PCDH9: variants seen among roughly 807,000 people sequenced by gnomAD.
PCDH9 encodes protocadherin-9.
A neutral mutation model predicts 70.6 loss-of-function variants in PCDH9; 24 were observed. The ratio of observed to expected loss-of-function variants is 0.34; its 90% CI spans 0.25 to 0.48. The LOEUF (loss-of-function observed/expected upper bound fraction) is 0.48, where lower values mean the gene tolerates loss of function less well. Ranked by LOEUF, PCDH9 falls within the 20% of genes least tolerant of loss-of-function variation. The pLI, the probability that PCDH9 is intolerant of heterozygous loss-of-function variation, is 0.99. For missense variants in PCDH9, 1,281 were observed against 1,503.6 expected (o/e 0.85, Z 2.45); for synonymous variants, 562 against 558.5 (o/e 1.01, Z -0.09).
At chr13:67,046,149 T>C (rs1300949561) in intron 2 of PCDH9, among the ~76,000 whole-genome samples, 1 of 152,176 alleles carries the variant, frequency 6.6e-6, no homozygotes, top group Non-Finnish European at 1.5e-5. Context: ...CTTGAGAATA[T>C]AATTATTATA....
In PCDH9 at chr13:66,787,745, A is replaced by G. The variant is rs184271879; in HGVS notation, c.3138+115759T>C. On this transcript the variant is annotated intron_variant, in intron 3 of 4. Transcript: ENST00000377865. ...ACTTAGCTGACCTTCTGAATCACCA[A>G]AAGAGAATTTTTCTTCCCCTTCATC... Among the ~76,000 whole-genome samples, 296 of 152,258 alleles carry G rather than the reference A, an allele frequency of 1.9e-3. 1 individual carries two copies. The highest frequency in any genetic ancestry group is 7.0e-3 in the African/African-American group (293 of 41,562).
intron 2 of PCDH9, among the ~76,000 whole-genome samples, chr13:67,122,784 T>C (rs1340230561): frequency 6.8e-6 from 1 of 147,654 alleles, no homozygotes; most frequent in Non-Finnish European, 1.5e-5. Context: ...ATAATAATAA[T>C]AATAATAATA....
chr13:66,342,552 T>C (rs760566354), intron 4 of PCDH9, among the ~76,000 whole-genome samples: 2 of 152,112 alleles, frequency 1.3e-5, no homozygotes, highest in Non-Finnish European at 2.9e-5. Context: ...TTGACTGAGG[T>C]TAAACAGATC....
chr13:66,544,433 C>A (rs1961094147), intron 4 of PCDH9, among the ~76,000 whole-genome samples: 1 of 152,098 alleles, frequency 6.6e-6, no homozygotes, highest in Admixed American at 6.6e-5. Context: ...TGATGCAGGC[C>A]AGGCAGGTGA....
At chr13:66,687,767 T>C (rs978098654) in intron 3 of PCDH9, among the ~76,000 whole-genome samples, 1 of 152,114 alleles carries the variant, frequency 6.6e-6, no homozygotes, top group African/African-American at 2.4e-5. Context: ...TTTCCAAAAA[T>C]AATCAGTAAA....
intron 3 of PCDH9, among the ~76,000 whole-genome samples, chr13:66,797,746 A>T (rs2080266223): frequency 6.6e-6 from 1 of 151,998 alleles, no homozygotes; most frequent in Non-Finnish European, 1.5e-5. Flanking sequence ...AAATAAAAAC[A>T]CATATTGCTT....
intron 4 of PCDH9, among the ~76,000 whole-genome samples, chr13:66,329,997 C>T (rs534865272): frequency 1.4e-4 from 21 of 152,272 alleles, no homozygotes; most frequent in Admixed American, 1.2e-3. Flanking sequence ...TTGTATTAAG[C>T]ACTTAAACTG....
At chr13:66,823,074 A>G (rs1178418231) in intron 3 of PCDH9, among the ~76,000 whole-genome samples, 1 of 152,056 alleles carries the variant, frequency 6.6e-6, no homozygotes, top group African/African-American at 2.4e-5. Context: ...AAAATAAGTG[A>G]AAACTTTCAA....
intron 2 of PCDH9, among the ~76,000 whole-genome samples, chr13:66,972,425 T>G (rs546799933): frequency 1.3e-5 from 2 of 152,054 alleles, no homozygotes; most frequent in African/African-American, 2.4e-5. Flanking sequence ...CCGCCCTATT[T>G]TTTGATGGAC....
At chr13:66,755,799 A>C (rs1231413963) in intron 3 of PCDH9, among the ~76,000 whole-genome samples, 1 of 152,178 alleles carries the variant, frequency 6.6e-6, no homozygotes, top group Non-Finnish European at 1.5e-5. Context: ...AAACAATGGA[A>C]TAGAACAAAG....
intron 4 of PCDH9, among the ~76,000 whole-genome samples, chr13:66,622,805 C>T (rs1453587781): frequency 6.6e-6 from 1 of 152,146 alleles, no homozygotes; most frequent in Non-Finnish European, 1.5e-5. Flanking sequence ...GTGGACTTTC[C>T]CACTGTGGAA....
chr13:66,779,873 A>ATATATATATATGTGTGTG (rs375882917), intron 3 of PCDH9, among the ~76,000 whole-genome samples: 1 of 115,870 alleles, frequency 8.6e-6, no homozygotes, highest in Non-Finnish European at 1.7e-5. Context: ...ATATACATAT[A>ATATATATATATGTGTGTG]TGTGTGTGTG....
At chr13:66,338,895 GT>G (rs1956081177) in intron 4 of PCDH9, among the ~76,000 whole-genome samples, 2 of 150,896 alleles carry the variant, frequency 1.3e-5, no homozygotes, top group Non-Finnish European at 3.0e-5. Flanking sequence ...AAAAAAAGAA[GT>G]AAAGAAGCAG....
intron 4 of PCDH9, among the ~76,000 whole-genome samples, chr13:66,498,573 G>A (rs149706185): frequency 6.6e-6 from 1 of 152,016 alleles, no homozygotes; most frequent in South Asian, 2.1e-4. Context: ...TAACACTTTG[G>A]AAACTGTCAC....
intron 3 of PCDH9, among the ~76,000 whole-genome samples, chr13:66,893,775 C>A (rs1352919079): frequency 6.6e-6 from 1 of 151,992 alleles, no homozygotes; most frequent in Non-Finnish European, 1.5e-5. Context: ...ATGTTTTATT[C>A]TCTTCTAATT....
At position 67,121,605 on chromosome 13, in the gene PCDH9, C is replaced by G. The variant is rs2086879002; in HGVS notation, c.3036+103800G>C. ...TATCAGGAATCTCGAGAGAATGCTG[C>G]TTAAAGGTATGCCCTTTCAGAATTT... On this transcript the variant is annotated intron_variant, in intron 2 of 4. Coordinates refer to ENST00000377865, the MANE Select transcript of PCDH9 (RefSeq NM_203487.3). 2.0e-5 allele frequency among the ~76,000 whole-genome samples: 3 copies of G among 152,148 alleles called. No homozygotes were observed. The South Asian group carries it at 6.2e-4, about 32-fold the overall frequency.
chr13:66,984,455 C>T (rs992514730), intron 2 of PCDH9, among the ~76,000 whole-genome samples: 1 of 152,130 alleles, frequency 6.6e-6, no homozygotes, highest in African/African-American at 2.4e-5. Context: ...TGCCTGAGTG[C>T]TCTGATGATG....
rs748513419 is a variant in PCDH9, at chr13:66,580,449, AT to A, written c.3340+50760del. 9.9e-5 allele frequency among the ~76,000 whole-genome samples: 15 copies of A among 152,062 alleles called. No homozygotes were observed. The South Asian group carries it at 2.7e-3, about 28-fold the overall frequency. On this transcript the variant is annotated intron_variant, in intron 4 of 4. Coordinates refer to ENST00000377865, the MANE Select transcript of PCDH9 (RefSeq NM_203487.3). The stretch of plus-strand genomic sequence containing the variant: ...ATATGTCTGTTATCAGCATAAATGC[AT>A]GTGTAGAAAGTCATTAAACCTTGAA...
chr13:66,591,817 A>G (rs534450339), intron 4 of PCDH9, among the ~76,000 whole-genome samples: 3 of 151,816 alleles, frequency 2.0e-5, no homozygotes, highest in East Asian at 3.9e-4. Flanking sequence ...GGGGGGGCTC[A>G]TTCTGCAAGG....
Sources: gnomAD v4.1 joint callset for allele counts (sites outside exome capture counted in the v4.1 genomes callset) on GRCh38, gnomAD v4.1.1 for gene constraint, MANE v1.5 for transcripts, NCBI Gene and HGNC (gene_info 2026-07-23, HGNC 2026-07-21) for gene names.